ZFHX3: variants seen among roughly 807,000 people sequenced by gnomAD.
ZFHX3 encodes zinc finger homeobox protein 3.
Under a neutral mutation model 279.1 loss-of-function variants are expected in ZFHX3, and 42 were observed. The observed-to-expected ratio is 0.15, with a 90% CI of 0.12 to 0.19. The LOEUF is 0.19. Ranked by LOEUF, ZFHX3 falls within the 10% of genes least tolerant of loss-of-function variation. The pLI is 1.00. For synonymous variants in ZFHX3, 2,293 were observed against 1,957.8 expected, an observed-to-expected ratio of 1.17 and a Z score of -4.52; for missense variants, 4,981 against 4,754.0, an observed-to-expected ratio of 1.05 and a Z score of -1.40.
At chr16:72,970,809 T>C (rs1488716047) in intron 1 of ZFHX3, among the ~76,000 whole-genome samples, 2 of 152,208 alleles carry the variant, frequency 1.3e-5, no homozygotes, top group East Asian at 3.8e-4. Flanking sequence ...GCTATTGGGA[T>C]TATAGGGCAA....
intron 5 of ZFHX3, among the ~76,000 whole-genome samples, chr16:73,176,767 T>A (rs1967675813): frequency 6.6e-6 from 1 of 150,948 alleles, no homozygotes; most frequent in Non-Finnish European, 1.5e-5. Context: ...TGGAAAAAAG[T>A]CTTCTTCTTG....
chr16:73,244,701 G>T (rs1198529646), intron 5 of ZFHX3, among the ~76,000 whole-genome samples: 1 of 152,204 alleles, frequency 6.6e-6, no homozygotes, highest in Non-Finnish European at 1.5e-5. Context: ...TATGGCAGCA[G>T]GGAGATGTTG....
At chr16:73,800,219 T>C (rs915798326) in intron 1 of ZFHX3, among the ~76,000 whole-genome samples, 2 of 152,000 alleles carry the variant, frequency 1.3e-5, no homozygotes, top group African/African-American at 2.4e-5. Context: ...AAATTACTAT[T>C]GTAATTTTTT....
In ZFHX3 at chr16:73,147,536, C is replaced by A. The variant is rs1249137719; in HGVS notation, c.-1103-3705G>T. Among the ~76,000 whole-genome samples, 3 of 149,344 alleles carry A rather than the reference C, an allele frequency of 2.0e-5. No individual in the cohort carries two copies. In the East Asian group the frequency reaches 5.9e-4, roughly 29 times the overall value. The stretch of plus-strand genomic sequence containing the variant: ...TGAAACCCCGTCTCTACTAAAAATA[C>A]AAAAAATTAGCCGGGCGTGGTAGCG... On this transcript the variant is annotated intron_variant, in intron 5 of 17. Transcript: ENST00000641206.
intron 3 of ZFHX3, among the ~76,000 whole-genome samples, chr16:73,340,999 A>G (rs888944921): frequency 1.3e-5 from 2 of 152,204 alleles, no homozygotes; most frequent in African/African-American, 4.8e-5. Context: ...ACTGTTTGCA[A>G]TTTGTATCAC....
intron 1 of ZFHX3, among the ~76,000 whole-genome samples, chr16:73,748,049 G>A (rs1483264782): frequency 6.6e-6 from 1 of 152,052 alleles, no homozygotes; most frequent in South Asian, 2.1e-4. Context: ...AAAGATGTTG[G>A]GGATAATAGT....
rs150442343 is a variant in ZFHX3, at chr16:73,525,503, A to G, written c.-1546-69245T>C. Among the ~76,000 whole-genome samples the G allele has an allele frequency of 3.3e-4, 51 of 152,312 alleles. No individual in the cohort carries two copies. In the East Asian group the frequency reaches 9.3e-3, roughly 28 times the overall value. ...CACTTACTTAGTTTCAAGAAGAACA[A>G]ACAGAAGAGAAGGGGTGCACAAACT... On this transcript the variant is annotated intron_variant, in intron 2 of 17. Coordinates refer to the ZFHX3 transcript ENST00000641206.
At chr16:72,911,886 C>T (rs1302466647) in intron 3 of ZFHX3, among the ~76,000 whole-genome samples, 2 of 152,070 alleles carry the variant, frequency 1.3e-5, no homozygotes, top group African/African-American at 4.8e-5. Context: ...GAGAGGGATG[C>T]GGGAGACGTC....
At chr16:73,332,852 G>C in intron 3 of ZFHX3, among the ~76,000 whole-genome samples, 1 of 152,194 alleles carries the variant, frequency 6.6e-6, no homozygotes, top group African/African-American at 2.4e-5. Flanking sequence ...GAGAGAAACT[G>C]AGACATAGTG....
At chr16:73,788,783 G>T (rs549545312) in intron 1 of ZFHX3, among the ~76,000 whole-genome samples, 54 of 150,824 alleles carry the variant, frequency 3.6e-4, no homozygotes, top group African/African-American at 1.1e-3. Context: ...GACCATCCTG[G>T]CTAACGTGGT....
chr16:73,540,664 A>T (rs1261268998), intron 2 of ZFHX3, among the ~76,000 whole-genome samples: 3 of 152,184 alleles, frequency 2.0e-5, no homozygotes, highest in Non-Finnish European at 4.4e-5. Context: ...TTGCTCTTTA[A>T]ATAATACCAG....
intron 2 of ZFHX3, among the ~76,000 whole-genome samples, chr16:73,546,671 T>TTGCTGTTGC (rs2143761839): frequency 7.0e-6 from 1 of 143,524 alleles, no homozygotes; most frequent in South Asian, 2.4e-4. Flanking sequence ...GGTGCTGCTG[T>TTGCTGTTGC]TGCTGCTGCT....
intron 2 of ZFHX3, among the ~76,000 whole-genome samples, chr16:73,521,607 G>T (rs754234044): frequency 7.9e-5 from 12 of 152,054 alleles, no homozygotes; most frequent in African/African-American, 2.9e-4. Context: ...CATAGAGGCC[G>T]TTGTGAGAAA....
intron 2 of ZFHX3, among the ~76,000 whole-genome samples, chr16:73,498,140 A>G (rs2019172801): frequency 6.6e-6 from 1 of 152,202 alleles, no homozygotes; most frequent in African/African-American, 2.4e-5. Context: ...AAATGTTTTT[A>G]TCCCCTTGTA....
chr16:73,844,903 G>C (rs1001525248), intron 1 of ZFHX3, among the ~76,000 whole-genome samples: 2 of 151,960 alleles, frequency 1.3e-5, no homozygotes, highest in African/African-American at 4.8e-5. Flanking sequence ...ATGATGAATA[G>C]ATGATAGATA....
chr16:73,068,230 C>T (rs1965779477), intron 8 of ZFHX3, among the ~76,000 whole-genome samples: 1 of 152,168 alleles, frequency 6.6e-6, no homozygotes, highest in Admixed American at 6.5e-5. Context: ...TGAACCTGGG[C>T]CTGTCAGGCT....
chr16:73,648,682 G>A (rs1389144525), intron 2 of ZFHX3, among the ~76,000 whole-genome samples: 2 of 152,166 alleles, frequency 1.3e-5, no homozygotes, highest in African/African-American at 2.4e-5. Context: ...AAAGTGCTGG[G>A]ATTATAAGTG....
At chr16:73,523,621 GTTTT>G (rs3087040) in intron 2 of ZFHX3, among the ~76,000 whole-genome samples, 4 of 144,188 alleles carry the variant, frequency 2.8e-5, no homozygotes, top group East Asian at 2.0e-4. Context: ...TGGAAGCTGG[GTTTT>G]TTTTTTTTTT....
intron 1 of ZFHX3, among the ~76,000 whole-genome samples, chr16:73,735,432 C>CTTGG (rs1036549237): frequency 6.6e-6 from 1 of 150,476 alleles, no homozygotes; most frequent in Admixed American, 6.6e-5. Flanking sequence ...CTCCCCAGTC[C>CTTGG]TTGGTAACCG....
Sources: gnomAD v4.1 joint callset for allele counts (sites outside exome capture counted in the v4.1 genomes callset) on GRCh38, gnomAD v4.1.1 for gene constraint, MANE v1.5 for transcripts, NCBI Gene and HGNC (gene_info 2026-07-23, HGNC 2026-07-21) for gene names.